The following BNC2 variants were observed in gnomAD, a reference collection of about 807,000 sequenced individuals.
The protein encoded by BNC2 is basonuclin zinc finger protein 2.
A neutral mutation model predicts 76.3 loss-of-function variants in BNC2; 20 were observed. The ratio of observed to expected loss-of-function variants is 0.26; its 90% CI spans 0.18 to 0.38. The LOEUF (loss-of-function observed/expected upper bound fraction) is 0.38. BNC2 is among the 10% of genes least tolerant of loss of function. BNC2 has a pLI of 1.00. For missense variants in BNC2, 1,382 were observed against 1,399.8 expected, an observed-to-expected ratio of 0.99 and a Z score of 0.20; for synonymous variants, 582 against 514.8, an observed-to-expected ratio of 1.13 and a Z score of -1.77.
chr9:16,792,103 C>CT (rs1817526822), intron 1 of BNC2, among the ~76,000 whole-genome samples: 1 of 93,118 alleles, frequency 1.1e-5, no homozygotes, highest in African/African-American at 2.9e-5. Context: ...CCTTGACCCT[C>CT]CAAAAAAAAA....
intron 6 of BNC2, chr9:16,421,351 GAA>G (rs1267279968): frequency 8.8e-7 from 1 of 1,135,266 alleles, no homozygotes; most frequent in Non-Finnish European, 1.2e-6. Flanking sequence ...GAAAGAAAGA[GAA>G]AGAGAGAGAG....
chr9:16,602,196 G>A (rs769243862), intron 3 of BNC2, among the ~76,000 whole-genome samples: 1 of 152,126 alleles, frequency 6.6e-6, no homozygotes, highest in African/African-American at 2.4e-5. Context: ...AGTGATTTCT[G>A]AAAGACTAAT....
intron 1 of BNC2, among the ~76,000 whole-genome samples, chr9:16,751,427 C>T (rs1804934193): frequency 6.6e-6 from 1 of 151,906 alleles, no homozygotes; most frequent in African/African-American, 2.4e-5. Flanking sequence ...AATGAACTCT[C>T]TCAAGAAAAA....
intron 6 of BNC2, among the ~76,000 whole-genome samples, chr9:16,428,429 G>A (rs562419033): frequency 6.6e-6 from 1 of 152,272 alleles, no homozygotes; most frequent in South Asian, 2.1e-4. Context: ...ATGTGATAAA[G>A]TTACTTCATA....
chr9:16,622,020 G>A (rs1347125170), intron 3 of BNC2, among the ~76,000 whole-genome samples: 1 of 152,060 alleles, frequency 6.6e-6, no homozygotes, highest in African/African-American at 2.4e-5. Flanking sequence ...GCACAGTACT[G>A]GTCTGGACAC....
chr9:16,766,420 C>A (rs1014547743), intron 1 of BNC2, among the ~76,000 whole-genome samples: 15 of 152,114 alleles, frequency 9.9e-5, no homozygotes, highest in Non-Finnish European at 1.6e-4. Context: ...TTAAATTCCT[C>A]AAATCTGCCC....
intron 3 of BNC2, among the ~76,000 whole-genome samples, chr9:16,641,251 T>C (rs1821484882): frequency 6.6e-6 from 1 of 152,192 alleles, no homozygotes; most frequent in Admixed American, 6.5e-5. Flanking sequence ...TCAAAATACT[T>C]CAGATTGTAA....
intron 1 of BNC2, among the ~76,000 whole-genome samples, chr9:16,837,638 G>C (rs1376425865): frequency 6.6e-6 from 1 of 152,230 alleles, no homozygotes; most frequent in Non-Finnish European, 1.5e-5. Context: ...TGTAGAATGA[G>C]ATAAATAAAA....
chr9:16,762,431 G>A (rs1480154933), intron 1 of BNC2, among the ~76,000 whole-genome samples: 4 of 152,162 alleles, frequency 2.6e-5, no homozygotes, highest in African/African-American at 4.8e-5. Flanking sequence ...AAAGTTGCAA[G>A]TGGGAATGAA....
In BNC2 at chr9:16,706,878, G is replaced by C. The variant is rs1433531001; in HGVS notation, c.330+20919C>G. Among the ~76,000 whole-genome samples the C allele has an allele frequency of 2.0e-5, 3 of 152,190 alleles. 1 individual carries two copies. The South Asian group carries it at 6.2e-4, about 31-fold the overall frequency. On this transcript the variant is annotated intron_variant, in intron 3 of 6. Transcript: ENST00000380672. ...ACTTCCATTTCAAATTGCAAATGCT[G>C]AAATCAAATTGTCAGTTTAATCTAT...
rs78059686 is a variant in BNC2, at chr9:16,849,034, A to T, written c.3+21612T>A. On this transcript the variant is annotated intron_variant, in intron 1 of 6. Transcript: ENST00000380672. ...ATATTCCAAAATCTGAATAAATCTG[A>T]ATTTTGGTCCCAAGCATTTCAAATA... Among the ~76,000 whole-genome samples the T allele has an allele frequency of 1.5e-3, 229 of 152,252 alleles. 2 individuals are homozygous for T. The highest frequency in any genetic ancestry group is 5.2e-3 in the African/African-American group (218 of 41,554).
chr9:16,665,419 G>GA (rs1822248949), intron 3 of BNC2, among the ~76,000 whole-genome samples: 9 of 95,562 alleles, frequency 9.4e-5, no homozygotes, highest in African/African-American at 3.8e-4. Context: ...AGAAAAGAAA[G>GA]GAAAGAAAGG....
intron 3 of BNC2, among the ~76,000 whole-genome samples, chr9:16,583,825 C>T (rs943249298): frequency 6.6e-6 from 1 of 152,120 alleles, no homozygotes; most frequent in Non-Finnish European, 1.5e-5. Flanking sequence ...ATATCTGGAA[C>T]AGTACACCTG....
chr9:16,552,006 T>A (rs1818677422), intron 5 of BNC2, among the ~76,000 whole-genome samples: 1 of 152,006 alleles, frequency 6.6e-6, no homozygotes, highest in Non-Finnish European at 1.5e-5. Flanking sequence ...CATGTGAGGG[T>A]TTACTGGTTA....
chr9:16,556,641 G>A (rs931548601), intron 4 of BNC2, among the ~76,000 whole-genome samples: 2 of 142,928 alleles, frequency 1.4e-5, no homozygotes, highest in Admixed American at 6.7e-5. Flanking sequence ...GATGGTGCGC[G>A]CCTGTAGTCC....
intron 3 of BNC2, among the ~76,000 whole-genome samples, chr9:16,693,929 T>G (rs1823258439): frequency 6.6e-6 from 1 of 152,234 alleles, no homozygotes. Context: ...CCATTGGGTT[T>G]GCTCCACTCA....
intron 5 of BNC2, among the ~76,000 whole-genome samples, chr9:16,446,093 A>G (rs4545191): frequency 0.085 from 12,888 of 152,160 alleles, 1,561 homozygotes; most frequent in African/African-American, 0.27. Flanking sequence ...CACTGACTGC[A>G]TATAAAGATT....
intron 5 of BNC2, among the ~76,000 whole-genome samples, chr9:16,545,140 G>A (rs1407815954): frequency 6.6e-6 from 1 of 152,138 alleles, no homozygotes; most frequent in African/African-American, 2.4e-5. Flanking sequence ...ATATATACGT[G>A]TGTATGTGTA....
At chr9:16,458,917 T>C (rs898572793) in intron 5 of BNC2, among the ~76,000 whole-genome samples, 10 of 152,198 alleles carry the variant, frequency 6.6e-5, no homozygotes, top group African/African-American at 2.2e-4. Flanking sequence ...AGCAAATACA[T>C]GCACCGTCCT....
Sources: allele counts gnomAD v4.1 joint callset (sites outside exome capture counted in the v4.1 genomes callset), GRCh38; gene constraint gnomAD v4.1.1; transcripts MANE v1.5; gene names NCBI Gene and HGNC (gene_info 2026-07-23, HGNC 2026-07-21).